The following LRRC8D variants were observed in gnomAD, a reference collection of about 807,000 sequenced individuals.
LRRC8D encodes leucine rich repeat containing 8 VRAC subunit D.
In LRRC8D, 20 loss-of-function variants were observed where a neutral mutation model predicts 55.8. That is an observed-to-expected ratio of 0.36 (90% CI 0.25 to 0.52). The LOEUF (loss-of-function observed/expected upper bound fraction) is 0.52, where lower values mean the gene tolerates loss of function less well. Ranked by LOEUF, LRRC8D falls within the 20% of genes least tolerant of loss-of-function variation. The pLI is 0.93. For synonymous variants in LRRC8D, 352 were observed against 377.0 expected (o/e 0.93, Z 0.77); for missense variants, 651 against 1,030.8 (o/e 0.63, Z 5.05).
intron 2 of LRRC8D, among the ~76,000 whole-genome samples, 189 bp downstream of exon 2, chr1:89,843,971 G>A (rs947794029): frequency 6.6e-6 from 1 of 152,238 alleles, no homozygotes; most frequent in Non-Finnish European, 1.5e-5. Context: ...CCGGCGGAAG[G>A]CCCTGGGCGT....
intron 2 of LRRC8D, among the ~76,000 whole-genome samples, chr1:89,854,485 A>AT (rs1471336481): frequency 7.2e-5 from 11 of 152,116 alleles, no homozygotes; most frequent in African/African-American, 2.7e-4. Flanking sequence ...TTGGATGGTG[A>AT]TTTAAAGATT....
Position 89,933,266 on chromosome 1 carries a change from A to G in LRRC8D, c.198A>G (p.Ala66=). The G allele has an allele frequency of 6.2e-7, 1 of 1,614,186 alleles. No individual in the cohort carries two copies. Among genetic ancestry groups the G allele is most frequent in the Non-Finnish European group, 8.5e-7 (1 of 1,180,038 alleles). ...TGCCATCTCCTGTAAATTCAAAGGCACATACACCACCAGGAAATGCCGAGG... is the reference window on the plus strand; with the variant it reads ...TGCCATCTCCTGTAAATTCAAAGGCGCATACACCACCAGGAAATGCCGAGG... ...PVLPSPVNSK[A]HTPPGNAEVT... is the part of the protein sequence containing the mutation. The change falls in exon 3 of 3, where the codon GCA becomes GCG. Residue 66 remains alanine (A), a synonymous_variant. Coordinates refer to ENST00000337338, the MANE Select transcript of LRRC8D (RefSeq NM_001134479.2). The surrounding 1 kb of genome is among the most constrained non-coding windows in gnomAD (Gnocchi z 7.0).
rs143881209 is a variant in LRRC8D, at chr1:89,835,472, A to G, written c.-147-8166A>G. Among the ~76,000 whole-genome samples the G allele has an allele frequency of 4.3e-3, 662 of 152,302 alleles. 3 individuals are homozygous for G. Among genetic ancestry groups the G allele is most frequent in the Middle Eastern group, 6.8e-3 (2 of 294 alleles). On this transcript the variant is annotated intron_variant, in intron 1 of 2. Coordinates refer to ENST00000337338, the MANE Select transcript of LRRC8D (RefSeq NM_001134479.2). ...TTTTTCACATGTATTTCCTGTTCAA[A>G]TCTAGAATGTGGGATGGCTCTAATC...
At chr1:89,900,370 C>T (rs1662820418) in intron 2 of LRRC8D, among the ~76,000 whole-genome samples, 1 of 151,952 alleles carries the variant, frequency 6.6e-6, no homozygotes, top group Non-Finnish European at 1.5e-5. Flanking sequence ...AAGGAAGATT[C>T]AGAAGGTAAA....
At chr1:89,869,030 C>T (rs1487016848) in intron 2 of LRRC8D, among the ~76,000 whole-genome samples, 1 of 152,110 alleles carries the variant, frequency 6.6e-6, no homozygotes, top group African/African-American at 2.4e-5. Context: ...CATCAGCCTC[C>T]CAAGTAGCTG....
intron 2 of LRRC8D, among the ~76,000 whole-genome samples, chr1:89,862,234 A>G (rs1021812896): frequency 1.3e-5 from 2 of 152,142 alleles, no homozygotes; most frequent in African/African-American, 2.4e-5. Flanking sequence ...TCTTAATACT[A>G]AAAAAGGCAA....
At chr1:89,857,187 A>G (rs1661579534) in intron 2 of LRRC8D, among the ~76,000 whole-genome samples, 1 of 152,010 alleles carries the variant, frequency 6.6e-6, no homozygotes, top group South Asian at 2.1e-4. Flanking sequence ...GTTCAAGACC[A>G]GCCTGACCAA....
chr1:89,864,265 G>GA (rs1298740409), intron 2 of LRRC8D, among the ~76,000 whole-genome samples: 1 of 151,772 alleles, frequency 6.6e-6, no homozygotes, highest in East Asian at 1.9e-4. Flanking sequence ...TTTTTGTTTT[G>GA]AAAAAACTGT....
chr1:89,886,557 G>T lies in LRRC8D; in HGVS notation c.-3+42775G>T, dbSNP rs374156588. Reference sequence around the variant, plus strand: ...AGAACATCTTTTTAGAAACCTTAAAGCACTTAATAATAAGCAATTTAAATA... The same window carrying T: ...AGAACATCTTTTTAGAAACCTTAAATCACTTAATAATAAGCAATTTAAATA... On this transcript the variant is annotated intron_variant, in intron 2 of 2. Transcript: ENST00000337338. Among the ~76,000 whole-genome samples the T allele has an allele frequency of 1.9e-4, 29 of 152,256 alleles. No homozygotes were observed. In the South Asian group the frequency reaches 5.6e-3, roughly 29 times the overall value.
chr1:89,921,200 C>CA (rs1341153916), intron 2 of LRRC8D, among the ~76,000 whole-genome samples: 1 of 151,954 alleles, frequency 6.6e-6, no homozygotes, highest in Non-Finnish European at 1.5e-5. Context: ...CCTGTCCCTA[C>CA]AAAAAATACA....
chr1:89,912,602 T>C (rs1436356756), intron 2 of LRRC8D, among the ~76,000 whole-genome samples: 1 of 152,136 alleles, frequency 6.6e-6, no homozygotes, highest in Non-Finnish European at 1.5e-5. Context: ...TTGAAGAAAA[T>C]CACCTCCTTA....
chr1:89,880,910 T>C (rs1488494374), intron 2 of LRRC8D, among the ~76,000 whole-genome samples: 5 of 152,188 alleles, frequency 3.3e-5, no homozygotes, highest in Non-Finnish European at 5.9e-5. Flanking sequence ...ATAATATATT[T>C]ATTACATAAT....
chr1:89,934,998 A>G lies in LRRC8D; in HGVS notation c.1930A>G (p.Asn644Asp). The change falls in exon 3 of 3, where the codon AAC becomes GAC. Residue 644 changes from asparagine to aspartate, a missense_variant. Asn to Asp is a conservative substitution (Grantham distance 23). This residue lies in a region of LRRC8D where 338 missense variants were observed against 479.4 expected (regional missense o/e 0.71). Transcript: ENST00000337338. The surrounding 1 kb of genome is among the most constrained non-coding windows in gnomAD (Gnocchi z 5.9). ...MMNVAELELQNCELERIPHAI... is the reference protein window; with the variant it reads ...MMNVAELELQDCELERIPHAI... ...GAATGTCGCTGAGCTGGAACTCCAG[A>G]ACTGTGAGCTAGAGAGAATCCCACA... The G allele has an allele frequency of 6.2e-7, 1 of 1,614,210 alleles. No individual in the cohort carries two copies. The highest frequency in any genetic ancestry group is 2.2e-5 in the East Asian group (1 of 44,884).
At chr1:89,887,260 C>T (rs756057770) in intron 2 of LRRC8D, among the ~76,000 whole-genome samples, 3 of 152,062 alleles carry the variant, frequency 2.0e-5, no homozygotes, top group African/African-American at 7.2e-5. Flanking sequence ...TTTTTATTTT[C>T]GTCATTATCA....
chr1:89,920,361 T>G (rs1433897336), intron 2 of LRRC8D, among the ~76,000 whole-genome samples: 1 of 152,166 alleles, frequency 6.6e-6, no homozygotes, highest in Non-Finnish European at 1.5e-5. Context: ...TTAAATGGAT[T>G]TATAAAAAGC....
At chr1:89,870,825 AC>A (rs1488643011) in intron 2 of LRRC8D, among the ~76,000 whole-genome samples, 1 of 152,160 alleles carries the variant, frequency 6.6e-6, no homozygotes, top group African/African-American at 2.4e-5. Context: ...GGAAATAGGT[AC>A]CCTTTCCAAT....
In LRRC8D at chr1:89,911,226, C is replaced by CT. The variant is rs1213771494; in HGVS notation, c.-2-21836dup. Reference sequence around the variant, plus strand: ...TTTGTGGAATTATTTTGCAAGTTACCTTTTTCCCTTTAGACTTTTCAAAAA... The same window carrying CT: ...TTTGTGGAATTATTTTGCAAGTTACCTTTTTTCCCTTTAGACTTTTCAAAAA... On this transcript the variant is annotated intron_variant, in intron 2 of 2. Coordinates refer to ENST00000337338, the MANE Select transcript of LRRC8D (RefSeq NM_001134479.2). This position sits in a 1 kb window ranked among gnomAD's most constrained non-coding sequence, Gnocchi z 4.0. Among the ~76,000 whole-genome samples, 2 of 150,996 alleles carry CT rather than the reference C, an allele frequency of 1.3e-5. No homozygotes were observed. The highest frequency in any genetic ancestry group is 3.0e-5 in the Non-Finnish European group (2 of 67,790).
Position 89,858,870 on chromosome 1 carries a change from G to C in LRRC8D, c.-3+15088G>C, listed in dbSNP as rs114587505. On this transcript the variant is annotated intron_variant, in intron 2 of 2. Coordinates refer to ENST00000337338, the MANE Select transcript of LRRC8D (RefSeq NM_001134479.2). Reference sequence around the variant, plus strand: ...AATTTCATTTAAGACAAGAAATGAAGTCATAGTTACATTCTGTTTAAAACT... The same window carrying C: ...AATTTCATTTAAGACAAGAAATGAACTCATAGTTACATTCTGTTTAAAACT... Among the ~76,000 whole-genome samples the C allele has an allele frequency of 6.3e-3, 963 of 152,168 alleles. 9 individuals carry two copies. Among genetic ancestry groups the C allele is most frequent in the African/African-American group, 0.022 (908 of 41,538 alleles).
intron 2 of LRRC8D, among the ~76,000 whole-genome samples, chr1:89,847,805 G>C (rs1661317419): frequency 6.6e-6 from 1 of 152,146 alleles, no homozygotes; most frequent in Admixed American, 6.5e-5. Context: ...TATAATTGCA[G>C]ATGTTTCATG....
Sources: allele counts gnomAD v4.1 joint callset (sites outside exome capture counted in the v4.1 genomes callset), GRCh38; gene constraint gnomAD v4.1.1; regional missense constraint gnomAD v4.1.1; non-coding constraint Gnocchi (gnomAD v3.1); transcripts MANE v1.5; gene names NCBI Gene and HGNC (gene_info 2026-07-23, HGNC 2026-07-21).